The following SLC39A11 variants were observed in gnomAD, a reference collection of about 807,000 sequenced individuals.
SLC39A11 encodes the protein solute carrier family 39 member 11.
In SLC39A11, 33 loss-of-function variants were observed where a neutral mutation model predicts 36.1. The ratio of observed to expected loss-of-function variants is 0.91; its 90% CI spans 0.69 to 1.22. The LOEUF is 1.22. Among genes scored for constraint, SLC39A11 ranks in the 50% most tolerant of loss-of-function variants. SLC39A11 has a pLI of 0.00. For missense variants in SLC39A11, 432 were observed against 430.3 expected (o/e 1.00, Z -0.03); for synonymous variants, 166 against 170.3 (o/e 0.97, Z 0.20).
chr17:72,808,360 C>T (rs1409692660), intron 6 of SLC39A11, among the ~76,000 whole-genome samples: 1 of 152,150 alleles, frequency 6.6e-6, no homozygotes, highest in Non-Finnish European at 1.5e-5. Context: ...GGTGGGCTGC[C>T]CTCGCTCATT....
intron 4 of SLC39A11, among the ~76,000 whole-genome samples, chr17:72,954,836 C>G (rs2086130384): frequency 6.6e-6 from 1 of 152,332 alleles, no homozygotes; most frequent in African/African-American, 2.4e-5. Flanking sequence ...AAGAAGCAAA[C>G]AGGGACACAG....
At chr17:72,756,711 G>C (rs1481926617) in intron 6 of SLC39A11, among the ~76,000 whole-genome samples, 1 of 152,150 alleles carries the variant, frequency 6.6e-6, no homozygotes, top group Non-Finnish European at 1.5e-5. Flanking sequence ...TGGAGGTGAT[G>C]GTTGCACAAC....
chr17:73,044,109 C>G (rs2059193794), intron 3 of SLC39A11, among the ~76,000 whole-genome samples: 1 of 151,868 alleles, frequency 6.6e-6, no homozygotes, highest in Non-Finnish European at 1.5e-5. Context: ...AGGAGCTTGG[C>G]TTACAATCTC....
chr17:72,995,042 T>G (rs1363416983), intron 4 of SLC39A11, among the ~76,000 whole-genome samples: 1 of 152,198 alleles, frequency 6.6e-6, no homozygotes, highest in Non-Finnish European at 1.5e-5. Context: ...TTCTTCAACC[T>G]GGACAGAGAG....
chr17:72,984,045 G>T (rs1598722374), intron 4 of SLC39A11, among the ~76,000 whole-genome samples: 1 of 152,174 alleles, frequency 6.6e-6, no homozygotes, highest in Non-Finnish European at 1.5e-5. Context: ...GAGGACCTGG[G>T]TAGCCTCAGG....
intron 5 of SLC39A11, among the ~76,000 whole-genome samples, chr17:72,866,250 T>C (rs947600006): frequency 5.9e-5 from 9 of 152,178 alleles, no homozygotes; most frequent in South Asian, 4.1e-4. Context: ...GGGATCTAGG[T>C]TGCATGCTCC....
chr17:73,069,860 T>C (rs1156948923), intron 3 of SLC39A11, among the ~76,000 whole-genome samples: 1 of 152,196 alleles, frequency 6.6e-6, no homozygotes, highest in African/African-American at 2.4e-5. Context: ...AGAAGACATT[T>C]AGATCAGATA....
intron 7 of SLC39A11, 116 bp from the exon 8 acceptor site, chr17:72,649,384 T>C: frequency 1.3e-6 from 1 of 772,478 alleles, no homozygotes; most frequent in Non-Finnish European, 2.1e-6. Flanking sequence ...AGGAGACCTG[T>C]GACCTGCAGT....
intron 5 of SLC39A11, among the ~76,000 whole-genome samples, chr17:72,878,410 C>A (rs1598242428): frequency 6.6e-6 from 1 of 152,186 alleles, no homozygotes; most frequent in East Asian, 1.9e-4. Context: ...AGGTCCCCAG[C>A]CCCAGGGGCC....
chr17:73,078,013 T>C (rs111920634), intron 3 of SLC39A11, among the ~76,000 whole-genome samples: 4 of 151,952 alleles, frequency 2.6e-5, no homozygotes, highest in Non-Finnish European at 2.9e-5. Context: ...CTGAGGTGGG[T>C]GGATCACAAG....
intron 5 of SLC39A11, among the ~76,000 whole-genome samples, chr17:72,908,033 G>T (rs905738235): frequency 1.3e-5 from 2 of 152,222 alleles, no homozygotes; most frequent in African/African-American, 4.8e-5. Context: ...AGCACTCCAA[G>T]CCTTCTATGA....
intron 2 of SLC39A11, 133 bp from the exon 3 acceptor site, chr17:73,084,979 C>G: frequency 1.2e-6 from 1 of 860,280 alleles, no homozygotes. Flanking sequence ...GTGAGCTACT[C>G]AGTTTATACC....
chr17:73,052,291 A>G (rs1224124629), intron 3 of SLC39A11, among the ~76,000 whole-genome samples: 1 of 152,134 alleles, frequency 6.6e-6, no homozygotes, highest in Non-Finnish European at 1.5e-5. Context: ...CATGAAATAA[A>G]CCCATAAAGA....
At chr17:72,734,958 C>G (rs2074361966) in intron 7 of SLC39A11, among the ~76,000 whole-genome samples, 1 of 152,148 alleles carries the variant, frequency 6.6e-6, no homozygotes, top group Admixed American at 6.5e-5. Flanking sequence ...GGCAGAAGAG[C>G]TACATGCCCC....
At chr17:72,865,942 C>G (rs1795118936) in intron 5 of SLC39A11, among the ~76,000 whole-genome samples, 1 of 152,182 alleles carries the variant, frequency 6.6e-6, no homozygotes, top group South Asian at 2.1e-4. Flanking sequence ...GGCTCAATGA[C>G]TAACCAATGA....
At chr17:72,865,352 A>G (rs1392938891) in intron 5 of SLC39A11, among the ~76,000 whole-genome samples, 1 of 150,452 alleles carries the variant, frequency 6.6e-6, no homozygotes, top group Non-Finnish European at 1.5e-5. Context: ...GCACCAACAG[A>G]GAGAGACAAA....
intron 4 of SLC39A11, among the ~76,000 whole-genome samples, chr17:72,980,614 G>A (rs2088228323): frequency 6.6e-6 from 1 of 152,186 alleles, no homozygotes; most frequent in Admixed American, 6.5e-5. Flanking sequence ...GAAAAGGAAC[G>A]TAATACAAGT....
At chr17:73,031,317 A>C (rs1392189655) in intron 4 of SLC39A11, among the ~76,000 whole-genome samples, 1 of 152,158 alleles carries the variant, frequency 6.6e-6, no homozygotes, top group Non-Finnish European at 1.5e-5. Flanking sequence ...CTATATTTTT[A>C]ATGAAATGTG....
At chr17:73,034,501 C>T (rs903063062) in intron 3 of SLC39A11, among the ~76,000 whole-genome samples, 2 of 152,194 alleles carry the variant, frequency 1.3e-5, no homozygotes, top group Middle Eastern at 3.2e-3. Context: ...GGATTAAAGG[C>T]GTGAGCCACT....
Sources: allele counts gnomAD v4.1 joint callset (sites outside exome capture counted in the v4.1 genomes callset), GRCh38; gene constraint gnomAD v4.1.1; transcripts MANE v1.5; gene names NCBI Gene and HGNC (gene_info 2026-07-23, HGNC 2026-07-21).